C1QTNF7: variants seen among roughly 807,000 people sequenced by gnomAD.
C1QTNF7 encodes the protein complement C1q tumor necrosis factor-related protein 7.
A neutral mutation model predicts 19.6 loss-of-function variants in C1QTNF7; 15 were observed. The observed-to-expected ratio is 0.76, with a 90% CI of 0.51 to 1.18. The LOEUF (loss-of-function observed/expected upper bound fraction) is 1.18. Among genes scored for constraint, C1QTNF7 ranks in the 50% most tolerant of loss-of-function variants. The pLI, the probability that C1QTNF7 is intolerant of heterozygous loss-of-function variation, is 0.00. For missense variants in C1QTNF7, 324 were observed against 359.7 expected (o/e 0.90, Z 0.80); for synonymous variants, 142 against 137.5 (o/e 1.03, Z -0.23).
At chr4:15,412,463 C>G (rs1212205494) in intron 1 of C1QTNF7, among the ~76,000 whole-genome samples, 1 of 152,064 alleles carries the variant, frequency 6.6e-6, no homozygotes, top group African/African-American at 2.4e-5. Flanking sequence ...ATCAGTGTAG[C>G]ATCTTCTCTC....
Position 15,444,758 on chromosome 4 carries a change from C to A in C1QTNF7, c.*1959C>A, listed in dbSNP as rs898516774. ...AGGGAAATCCTCTCTGCTCATTGGG[C>A]CTTACATGATGGGTGACACTTGGAG... On this transcript the variant is annotated 3_prime_UTR_variant, in exon 3 of 3. Coordinates refer to ENST00000444304, the MANE Select transcript of C1QTNF7 (RefSeq NM_031911.5). The A allele has an allele frequency of 6.6e-6, 1 of 152,118 alleles. No individual in the cohort carries two copies. Among genetic ancestry groups the A allele is most frequent in the African/African-American group, 2.4e-5 (1 of 41,414 alleles). 9.4% of individuals were successfully genotyped at this position (152,118 alleles called of 1,614,324 possible).
At chr4:15,383,077 C>CTT (rs1718206668) in intron 1 of C1QTNF7, among the ~76,000 whole-genome samples, 1 of 152,180 alleles carries the variant, frequency 6.6e-6, no homozygotes. Flanking sequence ...GTCATGCCCT[C>CTT]TCCTCTCACT....
chr4:15,442,433 C>G lies in C1QTNF7; in HGVS notation c.504C>G (p.Asn168Lys), dbSNP rs1291734590. The G allele has an allele frequency of 1.9e-6, 3 of 1,614,216 alleles. No individual in the cohort carries two copies. Among genetic ancestry groups the G allele is most frequent in the Non-Finnish European group, 1.7e-6 (2 of 1,180,022 alleles). Residue 168 changes from asparagine (N) to lysine (K), a missense_variant, in exon 3 of 3, where the codon AAC becomes AAG. Transcript: ENST00000444304. ...YPEERLPIIF[N>K]KVLFNEGEHY... ...AAGAAAGACTACCTATTATATTTAA[C>G]AAGGTCCTCTTCAACGAGGGAGAGC...
intron 1 of C1QTNF7, among the ~76,000 whole-genome samples, chr4:15,369,094 A>C (rs1280948151): frequency 6.6e-6 from 1 of 152,278 alleles, no homozygotes; most frequent in Non-Finnish European, 1.5e-5. Flanking sequence ...AGAACATGTC[A>C]TAGTGTTCAT....
chr4:15,356,918 C>T (rs1717164376), intron 1 of C1QTNF7, among the ~76,000 whole-genome samples: 1 of 149,862 alleles, frequency 6.7e-6, no homozygotes, highest in Non-Finnish European at 1.5e-5. Flanking sequence ...CTGTTCATAT[C>T]CTTCACACAC....
At chr4:15,405,452 A>G (rs1363468172) in intron 1 of C1QTNF7, among the ~76,000 whole-genome samples, 1 of 152,158 alleles carries the variant, frequency 6.6e-6, no homozygotes, top group Non-Finnish European at 1.5e-5. Context: ...CTGGGAAGTG[A>G]GGATATAGGT....
chr4:15,380,947 GAA>G (rs1718120139), intron 1 of C1QTNF7, among the ~76,000 whole-genome samples: 1 of 150,702 alleles, frequency 6.6e-6, no homozygotes, highest in South Asian at 2.1e-4. Flanking sequence ...GAAAAAGAAA[GAA>G]AAAGAAAAAA....
chr4:15,405,756 T>A (rs1719172491), intron 1 of C1QTNF7, among the ~76,000 whole-genome samples: 1 of 152,184 alleles, frequency 6.6e-6, no homozygotes, highest in African/African-American at 2.4e-5. Flanking sequence ...AAGACCTTCC[T>A]ATTGACCTTC....
chr4:15,419,572 G>C (rs1463854456), intron 1 of C1QTNF7, among the ~76,000 whole-genome samples: 1 of 152,008 alleles, frequency 6.6e-6, no homozygotes, highest in Non-Finnish European at 1.5e-5. Flanking sequence ...AAACTAAAGT[G>C]GTAACAGTGG....
chr4:15,349,329 T>G (rs1716822881), intron 1 of C1QTNF7, among the ~76,000 whole-genome samples: 1 of 152,128 alleles, frequency 6.6e-6, no homozygotes, highest in African/African-American at 2.4e-5. Flanking sequence ...CACTCTAAAT[T>G]CTTTTTTTCT....
At chr4:15,436,603 G>C (rs1358529026) in intron 2 of C1QTNF7, among the ~76,000 whole-genome samples, 1 of 152,202 alleles carries the variant, frequency 6.6e-6, no homozygotes, top group African/African-American at 2.4e-5. Flanking sequence ...CTAAAAAGCA[G>C]ATTTTTACAG....
chr4:15,401,727 A>C (rs886244893), intron 1 of C1QTNF7, among the ~76,000 whole-genome samples: 3 of 152,250 alleles, frequency 2.0e-5, no homozygotes, highest in Non-Finnish European at 4.4e-5. Flanking sequence ...AATAAGATGA[A>C]GACCAGTTAA....
rs186416304 is a variant in C1QTNF7, at chr4:15,362,685, C to T, written c.13+22478C>T. On this transcript the variant is annotated intron_variant, in intron 1 of 2. Transcript: ENST00000295297. ...TATGACATGAAAGACTCATTGCTAA[C>T]CTTTGACAGAGCATTTACAGCCCAT... Among the ~76,000 whole-genome samples the T allele has an allele frequency of 8.3e-4, 126 of 152,300 alleles. 1 individual carries two copies. Among genetic ancestry groups the T allele is most frequent in the African/African-American group, 2.8e-3 (117 of 41,558 alleles).
chr4:15,399,172 G>T (rs6814988), intron 1 of C1QTNF7, among the ~76,000 whole-genome samples: 16,026 of 152,184 alleles, frequency 0.11, 1,319 homozygotes, highest in Admixed American at 0.2. Context: ...GGAACCTGCT[G>T]ATCACCAGTT....
intron 1 of C1QTNF7, among the ~76,000 whole-genome samples, chr4:15,416,420 G>C (rs1028799921): frequency 6.6e-6 from 1 of 152,168 alleles, no homozygotes; most frequent in African/African-American, 2.4e-5. Flanking sequence ...TTCCTCATTT[G>C]AGATTCCATT....
At chr4:15,351,932 G>A (rs147291896) in intron 1 of C1QTNF7, among the ~76,000 whole-genome samples, 5 of 152,290 alleles carry the variant, frequency 3.3e-5, no homozygotes, top group African/African-American at 1.2e-4. Context: ...GAGGAATCTG[G>A]AAGGAGAAAG....
intron 1 of C1QTNF7, among the ~76,000 whole-genome samples, chr4:15,392,228 T>C (rs1718585030): frequency 6.6e-6 from 1 of 152,108 alleles, no homozygotes; most frequent in Non-Finnish European, 1.5e-5. Context: ...GAAAAGAGAC[T>C]CCATTTCTTG....
At chr4:15,415,210 A>G (rs1173337489) in intron 1 of C1QTNF7, among the ~76,000 whole-genome samples, 1 of 152,240 alleles carries the variant, frequency 6.6e-6, no homozygotes, top group African/African-American at 2.4e-5. Context: ...ATCATTAACC[A>G]GGTGTTTAAG....
At chr4:15,411,653 T>G (rs1302746352) in intron 1 of C1QTNF7, among the ~76,000 whole-genome samples, 1 of 152,178 alleles carries the variant, frequency 6.6e-6, no homozygotes, top group African/African-American at 2.4e-5. Context: ...ACCCCTATTC[T>G]TTTTGTTGCC....
Sources: gnomAD v4.1 joint callset for allele counts (sites outside exome capture counted in the v4.1 genomes callset) on GRCh38, gnomAD v4.1.1 for gene constraint, MANE v1.5 for transcripts, NCBI Gene and HGNC (gene_info 2026-07-23, HGNC 2026-07-21) for gene names.